The following APOC3 variants were observed in gnomAD, a reference collection of about 807,000 sequenced individuals.
APOC3 encodes apolipoprotein C-III.
Under a neutral mutation model 7.3 loss-of-function variants are expected in APOC3, and 6 were observed. The observed-to-expected ratio is 0.82, with a 90% CI of 0.45 to 1.61. The LOEUF (loss-of-function observed/expected upper bound fraction) is 1.61. Ranked by LOEUF, APOC3 falls within the 40% of genes most tolerant of loss-of-function variation. The pLI, the probability that APOC3 is intolerant of heterozygous loss-of-function variation, is 0.01. For missense variants in APOC3, 123 were observed against 124.9 expected (o/e 0.98, Z 0.07); for synonymous variants, 45 against 51.2 (o/e 0.88, Z 0.52).
chr11:116,831,296 C>CT (rs1941456297), intron 3 of APOC3, among the ~76,000 whole-genome samples: 1 of 110,180 alleles, frequency 9.1e-6, no homozygotes, highest in African/African-American at 4.7e-5. Context: ...TTCTTTCTTT[C>CT]TTTCCTTTCT....
intron 3 of APOC3, chr11:116,831,206 TTTCTTTC>T: frequency 8.7e-6 from 1 of 114,750 alleles, no homozygotes; most frequent in Non-Finnish European, 1.7e-5. Flanking sequence ...TCTTTCTTTC[TTTCTTTC>T]TTTCTTTCTT....
In APOC3 at chr11:116,830,953, G is replaced by C. The variant is rs2070667; in HGVS notation, c.179+57G>C. 1.3e-4 allele frequency: 154 copies of C among 1,181,680 alleles called. No homozygotes were observed. The African/African-American group carries it at 1.5e-3, about 11-fold the overall frequency. The allele number at this position is 1,181,680 out of a possible 1,614,324, so 73.2% of individuals were successfully genotyped here. On this transcript the variant is annotated intron_variant, in intron 3 of 3. Coordinates refer to ENST00000227667, the MANE Select transcript of APOC3 (RefSeq NM_000040.3). ...CTGCCAGCTGCCTCCATTCCCACCC[G>C]CCCCTGCCCTGGTGAGATCCCAACA...
intron 3 of APOC3, among the ~76,000 whole-genome samples, chr11:116,832,333 A>C (rs888143051): frequency 7.2e-5 from 11 of 152,216 alleles, no homozygotes; most frequent in Non-Finnish European, 1.3e-4. Context: ...CCTGCCCCAG[A>C]TCACACAACT....
chr11:116,832,987 C>T lies in APOC3; in HGVS notation c.*103C>T. 2 of 1,512,830 alleles carry T rather than the reference C, an allele frequency of 1.3e-6. No homozygotes were observed. Among genetic ancestry groups the T allele is most frequent in the Non-Finnish European group, 1.8e-6 (2 of 1,096,012 alleles). The allele number at this position is 1,512,830 out of a possible 1,614,324, so 93.7% of individuals were successfully genotyped here. ...TAGGTTGCTTAAAAGGGACAGTATT[C>T]TCAGTGCTCTCCTACCCCACCTCAT... On this transcript the variant is annotated 3_prime_UTR_variant, in exon 4 of 4. Transcript: ENST00000227667.
chr11:116,831,173 C>T, intron 3 of APOC3: 1 of 302,528 alleles, frequency 3.3e-6, no homozygotes, highest in Non-Finnish European at 6.1e-6. Flanking sequence ...TTTCCTTTCC[C>T]TTTCTTTCTC....
intron 1 of APOC3, 138 bp from the exon 2 acceptor site, chr11:116,830,432 C>T (rs544884872): frequency 2.6e-5 from 22 of 853,804 alleles, no homozygotes; most frequent in African/African-American, 1.2e-4. Flanking sequence ...TCTGAGAGCC[C>T]GTATTAGCAG....
intron 3 of APOC3, among the ~76,000 whole-genome samples, chr11:116,831,960 G>A (rs1410666979): frequency 6.6e-6 from 1 of 152,232 alleles, no homozygotes; most frequent in Non-Finnish European, 1.5e-5. Flanking sequence ...ACTTCGTGCT[G>A]TGCAGCCCGG....
chr11:116,830,411 C>T, intron 1 of APOC3, 159 bp from the exon 2 acceptor site: 1 of 749,430 alleles, frequency 1.3e-6, no homozygotes, highest in Admixed American at 2.2e-5. Flanking sequence ...TCGCCCCTCA[C>T]CAGTCCCCCT....
intron 3 of APOC3, 111 bp from the exon 4 acceptor site, chr11:116,832,653 G>A: frequency 2.0e-6 from 3 of 1,487,044 alleles, no homozygotes; most frequent in Non-Finnish European, 2.8e-6. Flanking sequence ...AAGTTGAGAG[G>A]GTGGTGTGGT....
At position 116,832,875 on chromosome 11, in the gene APOC3, G is replaced by A. The variant is rs1941478089; in HGVS notation, c.291G>A (p.Val97=). ...LDPEVRPTSA[V]AA ...CTGAGGTCAGACCAACTTCAGCCGT[G>A]GCTGCCTGAGACCTCAATACCCCAA... is the stretch of plus-strand genomic sequence containing the variant. Residue 97 remains valine, a synonymous_variant, in exon 4 of 4, where the codon GTG becomes GTA. Coordinates refer to ENST00000227667, the MANE Select transcript of APOC3 (RefSeq NM_000040.3). 1.2e-6 allele frequency: 2 copies of A among 1,613,662 alleles called. No individual in the cohort carries two copies. Among genetic ancestry groups the A allele is most frequent in the African/African-American group, 1.3e-5 (1 of 74,920 alleles).
At position 116,830,570 on chromosome 11, in the gene APOC3, G is replaced by C. The variant is rs1312786051; in HGVS notation, c.-13G>C. The stretch of plus-strand genomic sequence containing the variant: ...CCCCTCACAGGACACTTCCTTGCAG[G>C]AACAGAGGTGCCATGCAGCCCCGGG... On this transcript the variant is annotated splice_region_variant and 5_prime_UTR_variant, in exon 2 of 4. Coordinates refer to ENST00000227667, the MANE Select transcript of APOC3 (RefSeq NM_000040.3). 9.3e-6 allele frequency: 15 copies of C among 1,613,848 alleles called. No homozygotes were observed. Among genetic ancestry groups the C allele is most frequent in the Non-Finnish European group, 1.3e-5 (15 of 1,180,008 alleles).
chr11:116,831,217 C>A (rs1008298872), intron 3 of APOC3: 19 of 167,162 alleles, frequency 1.1e-4, no homozygotes, highest in African/African-American at 6.9e-4. Flanking sequence ...TTCTTTCTTT[C>A]TTTCTTTCTT....
intron 3 of APOC3, chr11:116,831,201 C>CTG (rs1565336388): frequency 3.3e-5 from 3 of 91,586 alleles, no homozygotes; most frequent in African/African-American, 7.4e-5. Flanking sequence ...TTCTTTCTTT[C>CTG]TTTCTTTCTT....
Position 116,829,910 on chromosome 11 carries a change from C to T in APOC3, c.-44C>T, listed in dbSNP as rs1941427758. 1 of 157,262 alleles carries T rather than the reference C, an allele frequency of 6.4e-6. No homozygotes were observed. Among genetic ancestry groups the T allele is most frequent in the Admixed American group, 6.1e-5 (1 of 16,436 alleles). The allele number at this position is 157,262 out of a possible 1,614,324, so 9.7% of individuals were successfully genotyped here. The stretch of plus-strand genomic sequence containing the variant: ...AGGTCAGAACCCTCCTGCCTGTCTG[C>T]TCAGTTCATCCCTAGAGGCAGCTGC... On this transcript the variant is annotated 5_prime_UTR_variant, in exon 1 of 4. Coordinates refer to ENST00000227667, the MANE Select transcript of APOC3 (RefSeq NM_000040.3).
In APOC3 at chr11:116,832,703, C is replaced by T. The variant is rs1221363037; in HGVS notation, c.180-61C>T. 5.0e-6 allele frequency: 8 copies of T among 1,612,920 alleles called. No homozygotes were observed. The Admixed American group carries it at 1.3e-4, about 27-fold the overall frequency. On this transcript the variant is annotated intron_variant, in intron 3 of 3. Transcript: ENST00000227667. ...TCCAGTGGGGACATGGGTGTGGGTC[C>T]CATGGTTGCCTACAGAGGAGTTCTC...
Position 116,830,802 on chromosome 11 carries a change from C to G in APOC3, c.85C>G (p.Leu29Val). Reference protein sequence around the residue: ...RASEAEDASLLSFMQGYMKHA... With the variant: ...RASEAEDASLVSFMQGYMKHA... The stretch of plus-strand genomic sequence containing the variant: ...TTCAGAGGCCGAGGATGCCTCCCTT[C>G]TCAGCTTCATGCAGGGTTACATGAA... The change falls in exon 3 of 4, where the codon CTC (leucine) becomes GTC (valine). Residue 29 changes from leucine (L) to valine (V), a missense_variant. Transcript: ENST00000227667. 6.2e-7 allele frequency: 1 copy of G among 1,613,318 alleles called. No individual in the cohort carries two copies. The highest frequency in any genetic ancestry group is 8.5e-7 in the Non-Finnish European group (1 of 1,179,956).
chr11:116,831,297 TTTCC>T (rs1941456398), intron 3 of APOC3, among the ~76,000 whole-genome samples: 1 of 133,886 alleles, frequency 7.5e-6, no homozygotes, highest in Non-Finnish European at 1.5e-5. Flanking sequence ...TCTTTCTTTC[TTTCC>T]TTTCTTTCTC....
intron 2 of APOC3, 22 bp from the exon 3 acceptor site, chr11:116,830,751 C>A: frequency 6.2e-7 from 1 of 1,613,454 alleles, no homozygotes; most frequent in South Asian, 1.1e-5. Flanking sequence ...ATCCACCCCA[C>A]TCAGCCCTGC....
In APOC3 at chr11:116,832,909, G is replaced by T; in HGVS notation, c.*25G>T. On this transcript the variant is annotated 3_prime_UTR_variant, in exon 4 of 4. Coordinates refer to ENST00000227667, the MANE Select transcript of APOC3 (RefSeq NM_000040.3). The stretch of plus-strand genomic sequence containing the variant: ...AGACCTCAATACCCCAAGTCCACCT[G>T]CCTATCCATCCTGCGAGCTCCTTGG... The T allele has an allele frequency of 6.2e-7, 1 of 1,613,508 alleles. No individual in the cohort carries two copies. Among genetic ancestry groups the T allele is most frequent in the Non-Finnish European group, 8.5e-7 (1 of 1,179,974 alleles).
Sources: gnomAD v4.1 joint callset for allele counts (sites outside exome capture counted in the v4.1 genomes callset) on GRCh38, gnomAD v4.1.1 for gene constraint, MANE v1.5 for transcripts, NCBI Gene and HGNC (gene_info 2026-07-23, HGNC 2026-07-21) for gene names.